Variants in NRXN3 observed in about 807,000 individuals in gnomAD.
NRXN3 encodes the protein neurexin III.
NRXN3 carries 32 observed loss-of-function variants against 137.6 expected under a neutral mutation model. The observed-to-expected ratio is 0.23, with a 90% CI of 0.18 to 0.31. The LOEUF (loss-of-function observed/expected upper bound fraction) is 0.31. NRXN3 is among the 10% of genes least tolerant of loss of function. The probability of loss-of-function intolerance (pLI) is 1.00; values close to 1 mark genes in which losing one functional copy is unlikely to be tolerated. For synonymous variants in NRXN3, 798 were observed against 784.5 expected (o/e 1.02, Z -0.29); for missense variants, 1,574 against 2,062.5 (o/e 0.76, Z 4.59).
chr14:78,820,595 T>A (rs2098948008), intron 10 of NRXN3, among the ~76,000 whole-genome samples: 1 of 152,124 alleles, frequency 6.6e-6, no homozygotes, highest in Non-Finnish European at 1.5e-5. Context: ...TCTGACTATA[T>A]AATATCTGTT....
At chr14:78,315,404 C>T (rs2078589868) in intron 4 of NRXN3, among the ~76,000 whole-genome samples, 1 of 152,172 alleles carries the variant, frequency 6.6e-6, no homozygotes, top group Non-Finnish European at 1.5e-5. Flanking sequence ...TTAGTTCCTG[C>T]CTCAGAACTG....
At chr14:78,597,439 G>GT (rs902096355) in intron 4 of NRXN3, among the ~76,000 whole-genome samples, 25 of 151,802 alleles carry the variant, frequency 1.6e-4, no homozygotes, top group Admixed American at 7.9e-4. Context: ...TATTTTCTTT[G>GT]TTTTTTTTCC....
intron 4 of NRXN3, among the ~76,000 whole-genome samples, chr14:78,316,620 T>A (rs2078738572): frequency 6.6e-6 from 1 of 152,204 alleles, no homozygotes; most frequent in African/African-American, 2.4e-5. Context: ...AGACATTCCC[T>A]TTCTTCCCAG....
intron 4 of NRXN3, among the ~76,000 whole-genome samples, chr14:78,397,312 T>A (rs1198267025): frequency 6.6e-6 from 1 of 152,136 alleles, no homozygotes. Context: ...GTTACACCTT[T>A]TGCTATAGTC....
At chr14:78,598,981 G>C (rs572591539) in intron 4 of NRXN3, among the ~76,000 whole-genome samples, 2 of 152,242 alleles carry the variant, frequency 1.3e-5, no homozygotes, top group Non-Finnish European at 2.9e-5. Flanking sequence ...GGCTCAGGCA[G>C]AGAGTTCTTA....
chr14:79,621,433 G>A (rs186862282), intron 16 of NRXN3, among the ~76,000 whole-genome samples: 34 of 152,340 alleles, frequency 2.2e-4, no homozygotes, highest in African/African-American at 7.7e-4. Flanking sequence ...GTGGAGAAAA[G>A]TGATAACTTT....
chr14:78,422,194 G>C (rs780443116), intron 4 of NRXN3, among the ~76,000 whole-genome samples: 2 of 152,168 alleles, frequency 1.3e-5, no homozygotes, highest in Non-Finnish European at 2.9e-5. Context: ...ACTCTTCAGG[G>C]CTTGGCTCAA....
At chr14:79,738,406 G>A (rs1328103831) in intron 19 of NRXN3, among the ~76,000 whole-genome samples, 1 of 151,452 alleles carries the variant, frequency 6.6e-6, no homozygotes, top group African/African-American at 2.4e-5. Flanking sequence ...CACAAGCCAA[G>A]GAATGCTGAC....
intron 15 of NRXN3, among the ~76,000 whole-genome samples, chr14:79,211,592 TA>T (rs1434967466): frequency 6.6e-6 from 1 of 152,286 alleles, no homozygotes; most frequent in East Asian, 1.9e-4. Context: ...AAACAGCTCA[TA>T]AGGGATGGAG....
chr14:79,249,780 G>A (rs2075688355), intron 15 of NRXN3, among the ~76,000 whole-genome samples: 1 of 152,142 alleles, frequency 6.6e-6, no homozygotes, highest in Non-Finnish European at 1.5e-5. Context: ...CCTTTCTAGT[G>A]GGCAGAGAAG....
chr14:79,602,170 G>A (rs1181930647), intron 16 of NRXN3, among the ~76,000 whole-genome samples: 1 of 152,184 alleles, frequency 6.6e-6, no homozygotes, highest in Non-Finnish European at 1.5e-5. Context: ...CTCTTCACAA[G>A]CCCTGTGTCA....
chr14:79,418,975 C>A (rs1018397051), intron 15 of NRXN3, among the ~76,000 whole-genome samples: 4 of 152,136 alleles, frequency 2.6e-5, no homozygotes, highest in African/African-American at 9.7e-5. Flanking sequence ...AGTATAAAGT[C>A]ATTGAGAAGA....
chr14:78,318,588 C>A (rs1182426628), intron 4 of NRXN3, among the ~76,000 whole-genome samples: 1 of 152,186 alleles, frequency 6.6e-6, no homozygotes, highest in Non-Finnish European at 1.5e-5. Flanking sequence ...TTTCCAACCA[C>A]ACATTTCATC....
intron 4 of NRXN3, among the ~76,000 whole-genome samples, chr14:78,504,341 A>T (rs2095939747): frequency 6.6e-6 from 1 of 152,218 alleles, no homozygotes; most frequent in Non-Finnish European, 1.5e-5. Flanking sequence ...TTATTGACTG[A>T]CATTAGCAGA....
chr14:79,587,482 C>T (rs753113755), intron 16 of NRXN3, among the ~76,000 whole-genome samples: 24 of 152,048 alleles, frequency 1.6e-4, no homozygotes, highest in Non-Finnish European at 4.4e-5. Context: ...AAACATCAGG[C>T]GAGCAATGTG....
chr14:78,984,196 A>C (rs958506411), intron 14 of NRXN3, among the ~76,000 whole-genome samples: 1 of 152,206 alleles, frequency 6.6e-6, no homozygotes, highest in African/African-American at 2.4e-5. Context: ...TTAAATTTCA[A>C]ATCATTAGAA....
chr14:79,713,940 GTCAA>G (rs1414765652), intron 19 of NRXN3, among the ~76,000 whole-genome samples: 1 of 152,100 alleles, frequency 6.6e-6, no homozygotes, highest in Non-Finnish European at 1.5e-5. Flanking sequence ...GCTACAAAAT[GTCAA>G]TCAATATGTT....
chr14:79,591,814 A>C (rs572122024), intron 16 of NRXN3, among the ~76,000 whole-genome samples: 1 of 152,296 alleles, frequency 6.6e-6, no homozygotes, highest in Admixed American at 6.5e-5. Context: ...GTAGAAATTA[A>C]CTATTTTTGC....
chr14:78,592,350 C>A (rs2097124797), intron 4 of NRXN3, among the ~76,000 whole-genome samples: 1 of 152,098 alleles, frequency 6.6e-6, no homozygotes, highest in African/African-American at 2.4e-5. Context: ...GAGAATAATG[C>A]TGGGCATGGA....
Sources: gnomAD v4.1 joint callset for allele counts (sites outside exome capture counted in the v4.1 genomes callset) on GRCh38, gnomAD v4.1.1 for gene constraint, MANE v1.5 for transcripts, NCBI Gene and HGNC (gene_info 2026-07-23, HGNC 2026-07-21) for gene names.